The following POU6F2 variants were observed in gnomAD, a reference collection of about 807,000 sequenced individuals.
POU6F2 encodes the protein POU class 6 homeobox 2, also known as POU domain, class 6, transcription factor 2.
Under a neutral mutation model 71.3 loss-of-function variants are expected in POU6F2, and 31 were observed. The observed-to-expected ratio is 0.43, with a 90% CI of 0.33 to 0.59. The LOEUF is 0.59. POU6F2 is among the 20% of genes least tolerant of loss of function. The pLI is 0.04. For synonymous variants in POU6F2, 347 were observed against 355.7 expected (o/e 0.98, Z 0.27); for missense variants, 783 against 856.8 (o/e 0.91, Z 1.07).
intron 6 of POU6F2, among the ~76,000 whole-genome samples, chr7:39,421,514 T>G (rs1787850556): frequency 6.6e-6 from 1 of 152,174 alleles, no homozygotes; most frequent in African/African-American, 2.4e-5. Context: ...TTTGTCCTAA[T>G]TTAAATTCAG....
At chr7:39,081,578 G>T (rs996937874) in intron 1 of POU6F2, among the ~76,000 whole-genome samples, 1 of 152,206 alleles carries the variant, frequency 6.6e-6, no homozygotes, top group Non-Finnish European at 1.5e-5. Context: ...TAAGTGGCTT[G>T]CCATGTTTAT....
chr7:39,135,052 G>A (rs1486866544), intron 2 of POU6F2, among the ~76,000 whole-genome samples: 1 of 152,110 alleles, frequency 6.6e-6, no homozygotes, highest in Non-Finnish European at 1.5e-5. Flanking sequence ...CAGTAACTTA[G>A]AGAACTAAAA....
chr7:39,375,733 C>A (rs1562807357), intron 5 of POU6F2, among the ~76,000 whole-genome samples: 1 of 152,096 alleles, frequency 6.6e-6, no homozygotes, highest in Admixed American at 6.6e-5. Flanking sequence ...ACAGGAGAAG[C>A]AGTTAGCCCT....
At chr7:39,082,274 T>G (rs1014806082) in intron 1 of POU6F2, among the ~76,000 whole-genome samples, 2 of 152,230 alleles carry the variant, frequency 1.3e-5, no homozygotes, top group African/African-American at 2.4e-5. Flanking sequence ...TGTCCTGTAT[T>G]GGCACATGCC....
intron 2 of POU6F2, among the ~76,000 whole-genome samples, chr7:39,197,380 G>A (rs922147649): frequency 6.6e-6 from 1 of 152,262 alleles, no homozygotes; most frequent in Non-Finnish European, 1.5e-5. Flanking sequence ...TTGGGGTGGT[G>A]CCTTGGGGAA....
intron 4 of POU6F2, among the ~76,000 whole-genome samples, chr7:39,292,713 G>A (rs1378312952): frequency 6.6e-6 from 1 of 152,100 alleles, no homozygotes; most frequent in Non-Finnish European, 1.5e-5. Flanking sequence ...TTATAGAGTC[G>A]AGAATCTTTT....
chr7:39,460,773 C>G lies in POU6F2; in HGVS notation c.1658+58C>G. On this transcript the variant is annotated intron_variant, in intron 9 of 9. Transcript: ENST00000518318. This position sits in a 1 kb window ranked among gnomAD's most constrained non-coding sequence, Gnocchi z 4.4. ...AGCCGCCCTGGGCCTCATTTGTCCT[C>G]GCGGTTCAGCTTTTCTTCGTCGGGT... 6.9e-7 allele frequency: 1 copy of G among 1,455,420 alleles called. No individual in the cohort carries two copies. Among genetic ancestry groups the G allele is most frequent in the Non-Finnish European group, 9.1e-7 (1 of 1,100,914 alleles). 90.2% of individuals were successfully genotyped at this position (1,455,420 alleles called of 1,614,324 possible).
intron 2 of POU6F2, among the ~76,000 whole-genome samples, chr7:39,156,580 G>T (rs1335040200): frequency 1.3e-5 from 2 of 152,206 alleles, no homozygotes; most frequent in African/African-American, 2.4e-5. Flanking sequence ...AAATCTCAGA[G>T]TGGGATTTGC....
At chr7:39,081,928 T>C (rs1791128265) in intron 1 of POU6F2, among the ~76,000 whole-genome samples, 1 of 152,204 alleles carries the variant, frequency 6.6e-6, no homozygotes, top group Non-Finnish European at 1.5e-5. Context: ...AAAATGCAGC[T>C]TTACCACTTA....
At chr7:39,004,533 C>T (rs961545269) in intron 1 of POU6F2, among the ~76,000 whole-genome samples, 1 of 152,140 alleles carries the variant, frequency 6.6e-6, no homozygotes, top group Non-Finnish European at 1.5e-5. Context: ...CTTTGGACCT[C>T]TGAGTTAGAG....
intron 4 of POU6F2, among the ~76,000 whole-genome samples, chr7:39,323,690 A>G (rs1044047312): frequency 4.6e-5 from 7 of 152,206 alleles, no homozygotes; most frequent in African/African-American, 9.7e-5. Context: ...CGATAATCCT[A>G]TCTGTGTTTT....
chr7:39,254,560 G>A (rs913133984), intron 4 of POU6F2, among the ~76,000 whole-genome samples: 5 of 152,140 alleles, frequency 3.3e-5, no homozygotes, highest in African/African-American at 1.2e-4. Context: ...CCAATGTCAC[G>A]CTTCCAGCAT....
intron 4 of POU6F2, among the ~76,000 whole-genome samples, chr7:39,317,739 A>G (rs1785299678): frequency 6.6e-6 from 1 of 152,220 alleles, no homozygotes; most frequent in Non-Finnish European, 1.5e-5. Flanking sequence ...GGTTCAACAT[A>G]TATTCAAAAT....
At chr7:39,181,522 G>A (rs577229079) in intron 2 of POU6F2, among the ~76,000 whole-genome samples, 5 of 152,250 alleles carry the variant, frequency 3.3e-5, no homozygotes, top group East Asian at 3.9e-4. Context: ...TTGCTTTGGC[G>A]AATAGGGAAC....
intron 1 of POU6F2, among the ~76,000 whole-genome samples, chr7:39,075,236 G>A (rs1790974562): frequency 6.6e-6 from 1 of 152,134 alleles, no homozygotes; most frequent in Admixed American, 6.5e-5. Context: ...ACATTCCCTG[G>A]TGTTGAAGTG....
intron 5 of POU6F2, among the ~76,000 whole-genome samples, chr7:39,357,057 T>C (rs1786276552): frequency 6.6e-6 from 1 of 152,218 alleles, no homozygotes; most frequent in African/African-American, 2.4e-5. Context: ...TAATACTTTA[T>C]AGATCTGATT....
At chr7:39,283,949 G>A (rs1341846848) in intron 4 of POU6F2, among the ~76,000 whole-genome samples, 3 of 152,074 alleles carry the variant, frequency 2.0e-5, no homozygotes, top group Middle Eastern at 3.2e-3. Context: ...GGATGCAAAC[G>A]CTTAAACCAT....
chr7:39,167,152 AATATCT>A (rs1257615529), intron 2 of POU6F2, among the ~76,000 whole-genome samples: 2 of 152,084 alleles, frequency 1.3e-5, no homozygotes, highest in African/African-American at 4.8e-5. Flanking sequence ...TTGTATATAT[AATATCT>A]ATAAGGTATA....
chr7:39,316,437 A>G (rs10447664), intron 4 of POU6F2, among the ~76,000 whole-genome samples: 103,482 of 152,032 alleles, frequency 0.68, 35,272 homozygotes, highest in Admixed American at 0.77. Context: ...GACCTCAGGC[A>G]GTGTGGCTGA....
Sources: gnomAD v4.1 joint callset for allele counts (sites outside exome capture counted in the v4.1 genomes callset) on GRCh38, gnomAD v4.1.1 for gene constraint, Gnocchi (gnomAD v3.1) non-coding constraint, MANE v1.5 for transcripts, NCBI Gene and HGNC (gene_info 2026-07-23, HGNC 2026-07-21) for gene names.